KIF1B: variants seen among roughly 807,000 people sequenced by gnomAD.
KIF1B encodes kinesin family member 1B, also known as kinesin-like protein KIF1B.
KIF1B carries 76 observed loss-of-function variants against 241.9 expected under a neutral mutation model. That is an observed-to-expected ratio of 0.31 (90% CI 0.26 to 0.38). The LOEUF (loss-of-function observed/expected upper bound fraction) is 0.38, where lower values mean the gene tolerates loss of function less well. Among genes scored for constraint, KIF1B ranks in the 10% least tolerant of loss-of-function variants. The pLI is 1.00. For missense variants in KIF1B, 1,622 were observed against 2,271.4 expected (o/e 0.71, Z 5.81); for synonymous variants, 750 against 796.7 (o/e 0.94, Z 0.99).
At chr1:10,306,909 G>A (rs191433724) in intron 22 of KIF1B, 3 of 1,046,614 alleles carry the variant, frequency 2.9e-6, no homozygotes, top group African/African-American at 3.3e-5. Flanking sequence ...TTTCATGGGA[G>A]TGAATGAGTT....
chr1:10,217,687 C>A (rs1416175507), intron 1 of KIF1B, among the ~76,000 whole-genome samples: 1 of 151,996 alleles, frequency 6.6e-6, no homozygotes. Flanking sequence ...TTACCTCTTT[C>A]AAGTCTTTGC....
intron 1 of KIF1B, among the ~76,000 whole-genome samples, chr1:10,216,977 T>C (rs1646776872): frequency 8.3e-6 from 1 of 120,202 alleles, no homozygotes; most frequent in African/African-American, 3.6e-5. Flanking sequence ...TTTTTTTTTT[T>C]TTTTTTTTTT....
chr1:10,219,657 C>G (rs549294457), intron 1 of KIF1B, among the ~76,000 whole-genome samples: 1 of 152,010 alleles, frequency 6.6e-6, no homozygotes, highest in East Asian at 1.9e-4. Flanking sequence ...ACTCGGGAGG[C>G]TGAGGCAGGA....
chr1:10,360,211 C>A (rs938804227), intron 38 of KIF1B, among the ~76,000 whole-genome samples: 2 of 152,078 alleles, frequency 1.3e-5, no homozygotes, highest in Admixed American at 1.3e-4. Flanking sequence ...TTGAAGCTGA[C>A]AAGTTACCAA....
intron 38 of KIF1B, among the ~76,000 whole-genome samples, chr1:10,354,266 AT>A: frequency 6.6e-6 from 1 of 152,334 alleles, no homozygotes; most frequent in South Asian, 2.1e-4. Flanking sequence ...ATCTACATTA[AT>A]TTATCAAACT....
In KIF1B at chr1:10,375,256, C is replaced by T. The variant is rs777106047; in HGVS notation, c.5291C>T (p.Thr1764Ile). ...TGTCTACCTGCATTTTTCTTTCAGA[C>T]ACCAAACACCTTTGCTGTCTGCACA... is the stretch of plus-strand genomic sequence containing the variant. ...YSEDQQAMVK[T>I]PNTFAVCTKH... The change falls in exon 48 of 49, where the codon ACA becomes ATA. Residue 1764 changes from threonine (T) to isoleucine (I), a missense_variant and splice_region_variant. Coordinates refer to ENST00000676179, the MANE Select transcript of KIF1B (RefSeq NM_001365951.3). 9.9e-6 allele frequency: 16 copies of T among 1,613,110 alleles called. No individual in the cohort carries two copies. In the Admixed American group the frequency reaches 2.7e-4, roughly 27 times the overall value.
chr1:10,356,273 G>C (rs980907959), intron 38 of KIF1B, among the ~76,000 whole-genome samples: 1 of 152,046 alleles, frequency 6.6e-6, no homozygotes, highest in African/African-American at 2.4e-5. Flanking sequence ...GGCTGAGGCA[G>C]AGGATCGCTT....
chr1:10,304,268 A>C, intron 22 of KIF1B: 1 of 1,614,216 alleles, frequency 6.2e-7, no homozygotes, highest in South Asian at 1.1e-5. Flanking sequence ...ATGAGAAGTC[A>C]AGATCACATC....
At chr1:10,357,469 C>T (rs958636003) in intron 38 of KIF1B, among the ~76,000 whole-genome samples, 3 of 152,202 alleles carry the variant, frequency 2.0e-5, no homozygotes, top group Non-Finnish European at 4.4e-5. Flanking sequence ...AGTGTAATGG[C>T]TCACACCTGT....
intron 5 of KIF1B, among the ~76,000 whole-genome samples, chr1:10,263,265 T>G (rs954310732): frequency 6.7e-6 from 1 of 150,280 alleles, no homozygotes; most frequent in Admixed American, 6.6e-5. Context: ...GCCTGGAGTC[T>G]GTCTCAAAAA....
chr1:10,372,645 G>A lies in KIF1B; in HGVS notation c.4946+1383G>A, dbSNP rs1569925854. Among the ~76,000 whole-genome samples the A allele has an allele frequency of 2.4e-5, 3 of 122,690 alleles. No homozygotes were observed. The South Asian group carries it at 9.4e-4, about 38-fold the overall frequency. The allele number at this position is 122,690 out of a possible 152,430, so 80.5% of individuals were successfully genotyped here. A position where few individuals can be genotyped will look rare whatever the true frequency, so the allele number is the denominator to read the frequency against. ...GTGAGCCGAGATTGCGCCGCTGCGC[G>A]CCAGCTTGGGTGACAGAGCTGTCAC... On this transcript the variant is annotated intron_variant, in intron 45 of 48. Coordinates refer to ENST00000676179, the MANE Select transcript of KIF1B (RefSeq NM_001365951.3).
At chr1:10,317,244 C>A (rs1455740170) in intron 22 of KIF1B, among the ~76,000 whole-genome samples, 1 of 151,460 alleles carries the variant, frequency 6.6e-6, no homozygotes, top group East Asian at 1.9e-4. Context: ...TTCTCTCCTT[C>A]TTTCAGTATC....
At chr1:10,309,324 G>A (rs569071893) in intron 22 of KIF1B, among the ~76,000 whole-genome samples, 6 of 152,226 alleles carry the variant, frequency 3.9e-5, no homozygotes, top group South Asian at 4.2e-4. Context: ...CTTTGCTGTC[G>A]GAGAAACTGT....
intron 4 of KIF1B, 80 bp from the exon 5 acceptor site, chr1:10,261,825 C>T: frequency 1.2e-6 from 1 of 856,370 alleles, no homozygotes; most frequent in Non-Finnish European, 2.0e-6. Flanking sequence ...GGACGTCTGG[C>T]TAATTCATTG....
intron 44 of KIF1B, among the ~76,000 whole-genome samples, chr1:10,370,878 G>A (rs918025596): frequency 7.2e-5 from 11 of 152,146 alleles, no homozygotes; most frequent in African/African-American, 1.9e-4. Flanking sequence ...CAGGAGGATC[G>A]CTGGAGCCCA....
intron 2 of KIF1B, among the ~76,000 whole-genome samples, chr1:10,246,296 A>G (rs75138368): frequency 0.019 from 2,845 of 152,278 alleles, 40 homozygotes; most frequent in Non-Finnish European, 0.028. Context: ...TAGGCCACAT[A>G]TATCAATCAG....
At chr1:10,341,947 G>A in intron 32 of KIF1B, 103 bp from the exon 33 acceptor site, 2 of 774,746 alleles carry the variant, frequency 2.6e-6, no homozygotes, top group Non-Finnish European at 4.4e-6. Flanking sequence ...GCAAGACCTT[G>A]CCTCAAAAAA....
At chr1:10,217,725 C>T (rs1646787646) in intron 1 of KIF1B, among the ~76,000 whole-genome samples, 1 of 152,026 alleles carries the variant, frequency 6.6e-6, no homozygotes, top group South Asian at 2.1e-4. Flanking sequence ...AGCAGGCCCA[C>T]CCTGACCTCA....
In KIF1B at chr1:10,380,248, G is replaced by C. The variant is rs976737058; in HGVS notation, c.*3661G>C. 4 of 212,030 alleles carry C rather than the reference G, an allele frequency of 1.9e-5. No homozygotes were observed. The highest frequency in any genetic ancestry group is 3.8e-5 in the Non-Finnish European group (4 of 104,416). The allele number at this position is 212,030 out of a possible 1,614,324, so 13.1% of individuals were successfully genotyped here. ...CTATACTTACTTGCACAGTGGATTG[G>C]AGAGAAAGGATTCTCCAGTGTGCAC... On this transcript the variant is annotated 3_prime_UTR_variant, in exon 49 of 49. Transcript: ENST00000676179.
Sources: gnomAD v4.1 joint callset for allele counts (sites outside exome capture counted in the v4.1 genomes callset) on GRCh38, gnomAD v4.1.1 for gene constraint, MANE v1.5 for transcripts, NCBI Gene and HGNC (gene_info 2026-07-23, HGNC 2026-07-21) for gene names.